Variants in PCDHGA4 observed in about 807,000 individuals in gnomAD.
The protein encoded by PCDHGA4 is protocadherin gamma-A4.
PCDHGA4 carries 38 observed loss-of-function variants against 54.6 expected under a neutral mutation model. The observed-to-expected ratio is 0.70, with a 90% CI of 0.54 to 0.91. The LOEUF is 0.91. Ranked by LOEUF, PCDHGA4 falls within the 40% of genes least tolerant of loss-of-function variation. PCDHGA4 has a pLI of 0.00. For missense variants in PCDHGA4, 1,298 were observed against 1,220.9 expected, an observed-to-expected ratio of 1.06 and a Z score of -0.94; for synonymous variants, 511 against 512.9, an observed-to-expected ratio of 1.00 and a Z score of 0.05.
chr5:141,375,736 T>C (rs1771819108), intron 1 of PCDHGA4: 2 of 1,614,242 alleles, frequency 1.2e-6, no homozygotes, highest in East Asian at 2.2e-5. Flanking sequence ...TGAGCCTGTT[T>C]GTGCTGGACC....
At chr5:141,393,527 T>A in intron 1 of PCDHGA4, 10 of 1,613,990 alleles carry the variant, frequency 6.2e-6, no homozygotes, top group Non-Finnish European at 6.8e-6. Context: ...CAAATGACAA[T>A]GCCCCGGTTT....
intron 1 of PCDHGA4, chr5:141,393,329 C>T: frequency 6.2e-7 from 1 of 1,611,240 alleles, no homozygotes; most frequent in South Asian, 1.1e-5. Flanking sequence ...GCTACCAGCT[C>T]AGCCCCAATC....
Position 141,385,647 on chromosome 5 carries a change from A to C in PCDHGA4, c.2514+28026A>C, listed in dbSNP as rs541754761. On this transcript the variant is annotated intron_variant, in intron 1 of 3. Transcript: ENST00000571252. The stretch of plus-strand genomic sequence containing the variant: ...GAATGAATCGAGTCTTTCATATTGC[A>C]CAAGGTTAGCAGGAATAAAACACAC... The C allele has an allele frequency of 2.2e-5, 16 of 727,638 alleles. No homozygotes were observed. The African/African-American group carries it at 2.4e-4, about 11-fold the overall frequency. 45.1% of individuals were successfully genotyped at this position (727,638 alleles called of 1,614,324 possible).
At chr5:141,382,164 T>A (rs938169976) in intron 1 of PCDHGA4, among the ~76,000 whole-genome samples, 5 of 152,100 alleles carry the variant, frequency 3.3e-5, no homozygotes, top group Non-Finnish European at 5.9e-5. Context: ...AATGAAGGTG[T>A]TAGACCGTCT....
At chr5:141,427,824 G>A (rs1298494092) in intron 1 of PCDHGA4, 5 of 1,535,458 alleles carry the variant, frequency 3.3e-6, no homozygotes, top group African/African-American at 1.4e-5. Flanking sequence ...GGTGGTGGTC[G>A]CGCAGCGTGC....
At chr5:141,405,227 C>T (rs562247940) in intron 1 of PCDHGA4, 1 of 1,614,114 alleles carries the variant, frequency 6.2e-7, no homozygotes, top group South Asian at 1.1e-5. Flanking sequence ...GGAGTTCTCC[C>T]TCACCGCTGA....
intron 1 of PCDHGA4, chr5:141,383,840 T>G: frequency 1.2e-6 from 2 of 1,613,952 alleles, no homozygotes; most frequent in South Asian, 2.2e-5. Flanking sequence ...GAAACTGCCT[T>G]CTATGAAATG....
intron 2 of PCDHGA4, among the ~76,000 whole-genome samples, chr5:141,495,678 C>T (rs1340336428): frequency 6.6e-6 from 1 of 152,180 alleles, no homozygotes; most frequent in African/African-American, 2.4e-5. Context: ...CTGTGCCTGC[C>T]ATGGCATAAG....
Position 141,410,173 on chromosome 5 carries a change from C to G in PCDHGA4, c.2514+52552C>G, listed in dbSNP as rs544938164. ...GTGGACAGCCGCCACTCTCTGCCACCGCCACGCTTCATCTGGTCTTCGCAG... is the reference window on the plus strand; with the variant it reads ...GTGGACAGCCGCCACTCTCTGCCACGGCCACGCTTCATCTGGTCTTCGCAG... On this transcript the variant is annotated intron_variant, in intron 1 of 3. Coordinates refer to ENST00000571252, the MANE Select transcript of PCDHGA4 (RefSeq NM_018917.4). The G allele has an allele frequency of 6.2e-6, 10 of 1,613,842 alleles. No individual in the cohort carries two copies. The African/African-American group carries it at 9.3e-5, about 15-fold the overall frequency.
At chr5:141,495,544 T>C (rs971374249) in intron 2 of PCDHGA4, among the ~76,000 whole-genome samples, 5 of 152,220 alleles carry the variant, frequency 3.3e-5, no homozygotes, top group African/African-American at 7.2e-5. Context: ...CCTCAGTCTC[T>C]ATCTCGCTTT....
At position 141,357,413 on chromosome 5, in the gene PCDHGA4, C is replaced by T. The variant is rs374712311; in HGVS notation, c.2306C>T (p.Ser769Leu). The T allele has an allele frequency of 1.2e-6, 2 of 1,614,250 alleles. No homozygotes were observed. Among genetic ancestry groups the T allele is most frequent in the East Asian group, 2.2e-5 (1 of 44,882 alleles). ...AGCAGGTTGGCAGGTGTGCCTGCCT[C>T]GCACTTTGTGGGCGTGGACGGGGTT... ...EGSRLAGVPA[S>L]HFVGVDGVRA... The change falls in exon 1 of 4, where the codon TCG (serine) becomes TTG (leucine). Residue 769 changes from serine (S) to leucine (L), a missense_variant. Transcript: ENST00000571252.
rs776990176 is a variant in PCDHGA4 at position 141,485,136 on chromosome 5, C to A, written c.2515-9671C>A. ...GTTTGGGGCGGGTCGGCTTCATCCG[C>A]GTCTCAGGAGCAAGTAGAGAATTAG... On this transcript the variant is annotated intron_variant, in intron 1 of 3. Transcript: ENST00000571252. The surrounding 1 kb of genome is among the most constrained non-coding windows in gnomAD (Gnocchi z 5.7). The A allele has an allele frequency of 4.0e-6, 6 of 1,502,706 alleles. No individual in the cohort carries two copies. The South Asian group carries it at 5.9e-5, about 15-fold the overall frequency. The allele number at this position is 1,502,706 out of a possible 1,614,324, so 93.1% of individuals were successfully genotyped here.
chr5:141,368,061 A>G (rs781457436), intron 1 of PCDHGA4, among the ~76,000 whole-genome samples: 21 of 152,326 alleles, frequency 1.4e-4, no homozygotes, highest in Admixed American at 3.3e-4. Flanking sequence ...AAGAACTACT[A>G]TATTTCCCTT....
intron 1 of PCDHGA4, chr5:141,422,866 G>C: frequency 1.2e-6 from 2 of 1,614,216 alleles, no homozygotes; most frequent in Non-Finnish European, 8.5e-7. Context: ...CAGCAGCAAC[G>C]TGTCGCTGAG....
Position 141,431,682 on chromosome 5 carries a change from A to C in PCDHGA4, c.2515-63125A>C. The C allele has an allele frequency of 1.2e-6, 2 of 1,614,232 alleles. No homozygotes were observed. Among genetic ancestry groups the C allele is most frequent in the Non-Finnish European group, 1.7e-6 (2 of 1,180,042 alleles). ...ACAATATCAACAATAGGGGAGTTGG[A>C]CCACGAGGAGTCAGGATTCTACCAG... On this transcript the variant is annotated intron_variant, in intron 1 of 3. Transcript: ENST00000571252. The surrounding 1 kb of genome is among the most constrained non-coding windows in gnomAD (Gnocchi z 4.8).
chr5:141,374,534 C>T (rs868822562), intron 1 of PCDHGA4: 2 of 1,613,096 alleles, frequency 1.2e-6, no homozygotes, highest in Non-Finnish European at 1.7e-6. Flanking sequence ...TCCATCCTCT[C>T]GTTTTCCACT....
At chr5:141,475,571 G>A (rs1426547386) in intron 1 of PCDHGA4, among the ~76,000 whole-genome samples, 1 of 152,212 alleles carries the variant, frequency 6.6e-6, no homozygotes, top group East Asian at 1.9e-4. Context: ...CTTCCAACAA[G>A]CCAGATTTGT....
intron 1 of PCDHGA4, chr5:141,408,447 G>A (rs536531313): frequency 3.1e-6 from 5 of 1,614,064 alleles, no homozygotes; most frequent in Admixed American, 1.7e-5. Context: ...GCGGAGAGCG[G>A]GGACTTACTT....
At chr5:141,409,964 G>A (rs1042730924) in intron 1 of PCDHGA4, 5 of 1,613,300 alleles carry the variant, frequency 3.1e-6, no homozygotes, top group East Asian at 2.2e-5. Flanking sequence ...CGGCTACCTA[G>A]TGACTAAGGT....
Sources: allele counts gnomAD v4.1 joint callset (sites outside exome capture counted in the v4.1 genomes callset), GRCh38; gene constraint gnomAD v4.1.1; non-coding constraint Gnocchi (gnomAD v3.1); transcripts MANE v1.5; gene names NCBI Gene and HGNC (gene_info 2026-07-23, HGNC 2026-07-21).